GATA4: variants seen among roughly 807,000 people sequenced by gnomAD.
GATA4 encodes GATA binding protein 4.
GATA4 carries 7 observed loss-of-function variants against 37.9 expected under a neutral mutation model. The ratio of observed to expected loss-of-function variants is 0.18; its 90% CI spans 0.11 to 0.35. GATA4 has a LOEUF of 0.35. Among genes scored for constraint, GATA4 ranks in the 10% least tolerant of loss-of-function variants. The pLI is 1.00. For synonymous variants in GATA4, 372 were observed against 292.6 expected (o/e 1.27, Z -2.77); for missense variants, 647 against 653.0 (o/e 0.99, Z 0.10).
At position 11,705,645 on chromosome 8, in the gene GATA4, T is replaced by C. The variant is rs374707938; in HGVS notation, c.-458+1341T>C. ...CGCCAACTGCAGGATCCAGGCTCAATTTCAACAACCAGCCAGAGGCGTTTT... is the reference window on the plus strand; with the variant it reads ...CGCCAACTGCAGGATCCAGGCTCAACTTCAACAACCAGCCAGAGGCGTTTT... On this transcript the variant is annotated intron_variant, in intron 1 of 6. Transcript: ENST00000532059. 4.6e-5 allele frequency among the ~76,000 whole-genome samples: 7 copies of C among 152,310 alleles called. No homozygotes were observed. The East Asian group carries it at 1.3e-3, about 29-fold the overall frequency.
At chr8:11,722,538 C>T (rs1800724611) in intron 2 of GATA4, among the ~76,000 whole-genome samples, 1 of 152,162 alleles carries the variant, frequency 6.6e-6, no homozygotes, top group Admixed American at 6.5e-5. Flanking sequence ...TGTGTTATGC[C>T]TGTTAAGTTT....
At chr8:11,712,932 A>G (rs1402401641) in intron 2 of GATA4, among the ~76,000 whole-genome samples, 2 of 152,234 alleles carry the variant, frequency 1.3e-5, no homozygotes, top group South Asian at 2.1e-4. Flanking sequence ...ATGAAATAAT[A>G]CAATGCAACC....
At chr8:11,714,294 A>T (rs1800333736) in intron 2 of GATA4, among the ~76,000 whole-genome samples, 1 of 152,244 alleles carries the variant, frequency 6.6e-6, no homozygotes, top group Non-Finnish European at 1.5e-5. Flanking sequence ...TGTTATTCAA[A>T]CAATTTATTT....
intron 1 of GATA4, chr8:11,680,716 C>G (rs1394228208): frequency 1.0e-6 from 1 of 985,196 alleles, no homozygotes; most frequent in Non-Finnish European, 1.2e-6. Context: ...CCAGCCGCTG[C>G]GCACGGATAC....
chr8:11,681,755 G>A (rs1271300565), intron 1 of GATA4, among the ~76,000 whole-genome samples: 1 of 151,580 alleles, frequency 6.6e-6, no homozygotes, highest in Non-Finnish European at 1.5e-5. Context: ...CGCTTACTTT[G>A]TTCTTTGCCC....
intron 1 of GATA4, chr8:11,681,033 C>T: frequency 2.1e-6 from 2 of 939,164 alleles, no homozygotes; most frequent in South Asian, 9.8e-5. Context: ...GGCTGCAAAG[C>T]ACAGATCTAA....
chr8:11,731,524 G>A (rs13278982), intron 2 of GATA4, among the ~76,000 whole-genome samples: 39,385 of 152,198 alleles, frequency 0.26, 6,345 homozygotes, highest in Non-Finnish European at 0.34. Context: ...CCCCAGAGCC[G>A]TCAAATTCAT....
intron 2 of GATA4, among the ~76,000 whole-genome samples, chr8:11,741,986 C>T (rs566607396): frequency 1.9e-4 from 29 of 152,288 alleles, no homozygotes; most frequent in South Asian, 1.9e-3. Context: ...AGCCTGGGTT[C>T]GATCCCACTT....
intron 2 of GATA4, among the ~76,000 whole-genome samples, chr8:11,725,271 T>G (rs1800861563): frequency 6.6e-6 from 1 of 152,260 alleles, no homozygotes. Context: ...AATAGCTTTA[T>G]TTGCTGGGTG....
chr8:11,684,723 G>A (rs1799085214), intron 1 of GATA4, among the ~76,000 whole-genome samples: 1 of 152,180 alleles, frequency 6.6e-6, no homozygotes, highest in South Asian at 2.1e-4. Flanking sequence ...ACATAATCAT[G>A]TGTTCAGCTG....
chr8:11,703,430 C>A (rs1057469022), upstream of GATA4, among the ~76,000 whole-genome samples: 52 of 152,260 alleles, frequency 3.4e-4, no homozygotes, highest in Middle Eastern at 3.4e-3. Context: ...GAGCCCCCTC[C>A]ATGAAGAAGC....
intron 2 of GATA4, among the ~76,000 whole-genome samples, chr8:11,746,434 G>C (rs908647102): frequency 1.3e-5 from 2 of 152,084 alleles, no homozygotes; most frequent in Non-Finnish European, 2.9e-5. Context: ...GAATGGAAAG[G>C]TGATCTTACA....
intron 4 of GATA4, among the ~76,000 whole-genome samples, chr8:11,752,528 G>T (rs1802354726): frequency 1.3e-5 from 2 of 152,332 alleles, no homozygotes; most frequent in African/African-American, 4.8e-5. Flanking sequence ...AACCGCCCCT[G>T]TGACTCAGTT....
chr8:11,750,063 G>C (rs1478173688), intron 3 of GATA4, 48 bp from the exon 4 acceptor site: 1 of 1,613,502 alleles, frequency 6.2e-7, no homozygotes, highest in Non-Finnish European at 8.5e-7. Flanking sequence ...TGGAAGGGCA[G>C]TGCACACCTT....
upstream of GATA4, among the ~76,000 whole-genome samples, chr8:11,699,375 G>A (rs992139759): frequency 6.6e-6 from 1 of 152,186 alleles, no homozygotes; most frequent in Non-Finnish European, 1.5e-5. Context: ...AAGAATTGGG[G>A]CCTGTGTCAC....
intron 2 of GATA4, among the ~76,000 whole-genome samples, chr8:11,712,134 A>C (rs1800211521): frequency 6.6e-6 from 1 of 152,232 alleles, no homozygotes; most frequent in Non-Finnish European, 1.5e-5. Flanking sequence ...ACTTTTGAAG[A>C]ATTTGGCTTT....
intron 1 of GATA4, among the ~76,000 whole-genome samples, chr8:11,683,712 C>G (rs1799050734): frequency 6.6e-6 from 1 of 152,220 alleles, no homozygotes; most frequent in African/African-American, 2.4e-5. Flanking sequence ...AGTCCCGCAA[C>G]TGCTCACTTG....
At chr8:11,732,311 T>C (rs1801248700) in intron 2 of GATA4, among the ~76,000 whole-genome samples, 1 of 152,214 alleles carries the variant, frequency 6.6e-6, no homozygotes, top group African/African-American at 2.4e-5. Context: ...AGACGTATTG[T>C]CATCGAACTA....
intron 2 of GATA4, among the ~76,000 whole-genome samples, chr8:11,731,208 C>T (rs1801191575): frequency 6.6e-6 from 1 of 152,230 alleles, no homozygotes; most frequent in East Asian, 1.9e-4. Context: ...AGCAAAACCA[C>T]AGTGATCCAC....
Sources: allele counts gnomAD v4.1 joint callset (sites outside exome capture counted in the v4.1 genomes callset), GRCh38; gene constraint gnomAD v4.1.1; transcripts MANE v1.5; gene names NCBI Gene and HGNC (gene_info 2026-07-23, HGNC 2026-07-21).